The following KANK1 variants were observed in gnomAD, a reference collection of about 807,000 sequenced individuals.
The protein encoded by KANK1 is KN motif and ankyrin repeat domain-containing protein 1.
KANK1 carries 109 observed loss-of-function variants against 106.2 expected under a neutral mutation model. The observed-to-expected ratio is 1.03, with a 90% CI of 0.88 to 1.20. The LOEUF (loss-of-function observed/expected upper bound fraction) is 1.20. KANK1 is among the 50% of genes most tolerant of loss of function. KANK1 has a pLI of 0.00. For missense variants in KANK1, 2,399 were observed against 1,710.7 expected, an observed-to-expected ratio of 1.40 and a Z score of -7.10; for synonymous variants, 873 against 652.2, an observed-to-expected ratio of 1.34 and a Z score of -5.16.
intron 1 of KANK1, among the ~76,000 whole-genome samples, chr9:649,595 G>A (rs970591995): frequency 2.6e-5 from 4 of 152,164 alleles, no homozygotes; most frequent in African/African-American, 9.7e-5. Context: ...CTGTTAAAAC[G>A]AAAGCATGTG....
In KANK1 at chr9:713,475, C is replaced by T. The variant is rs368535433; in HGVS notation, c.2698+11C>T. On this transcript the variant is annotated intron_variant, in intron 3 of 11. Coordinates refer to ENST00000382297, the MANE Select transcript of KANK1 (RefSeq NM_015158.5). ...TGGGTAAAATCACAGGTAGGTGGTA[C>T]CCTGAGGACCTGGGAATGAGGAAGG... The T allele has an allele frequency of 2.4e-5, 37 of 1,539,296 alleles. No individual in the cohort carries two copies. Among genetic ancestry groups the T allele is most frequent in the South Asian group, 8.9e-5 (7 of 78,398 alleles).
intron 1 of KANK1, among the ~76,000 whole-genome samples, chr9:610,222 T>G (rs1021898382): frequency 6.7e-6 from 1 of 148,296 alleles, no homozygotes; most frequent in East Asian, 1.9e-4. Flanking sequence ...GTTGAACACT[T>G]ACGTTTATCA....
chr9:687,555 T>C (rs544505633), intron 2 of KANK1, among the ~76,000 whole-genome samples: 1 of 152,294 alleles, frequency 6.6e-6, no homozygotes, highest in African/African-American at 2.4e-5. Flanking sequence ...CAAAGAGTTG[T>C]GTAAGATAGG....
At position 719,037 on chromosome 9, in the gene KANK1, G is replaced by A. The variant is rs1314041952; in HGVS notation, c.2698+5573G>A. 3.0e-5 allele frequency among the ~76,000 whole-genome samples: 4 copies of A among 131,574 alleles called. No homozygotes were observed. The East Asian group carries it at 6.9e-4, about 23-fold the overall frequency. 86.3% of individuals were successfully genotyped at this position (131,574 alleles called of 152,430 possible). On this transcript the variant is annotated intron_variant, in intron 3 of 11. Transcript: ENST00000382297. ...TGCAGTGGTGCAATCTCAGCTCATC[G>A]CAACCTTCACCTCCTGGGTTCAAGT...
Position 636,199 on chromosome 9 carries a change from G to A in KANK1, c.-83-40691G>A, listed in dbSNP as rs564391929. 2.0e-5 allele frequency among the ~76,000 whole-genome samples: 3 copies of A among 152,272 alleles called. 1 individual carries two copies. In the South Asian group the frequency reaches 6.2e-4, roughly 32 times the overall value. On this transcript the variant is annotated intron_variant, in intron 1 of 11. Transcript: ENST00000382297. ...GGGTGTTTTTGTAAAAGTTCTCAGG[G>A]ATTCTAGTGGCGGCCAGGTTGAGAG...
intron 3 of KANK1, among the ~76,000 whole-genome samples, chr9:485,681 C>T (rs767055140): frequency 2.6e-5 from 4 of 151,910 alleles, no homozygotes; most frequent in Non-Finnish European, 4.4e-5. Flanking sequence ...GAGACCAGCC[C>T]GGCCAACATG....
At chr9:514,197 TCC>T in intron 1 of KANK1, among the ~76,000 whole-genome samples, 3 of 83,690 alleles carry the variant, frequency 3.6e-5, no homozygotes, top group African/African-American at 3.0e-4. Flanking sequence ...CCTCCCTTCC[TCC>T]CTCCCTCTCT....
chr9:718,953 C>CTTTTTTTTT (rs35097931), intron 3 of KANK1, among the ~76,000 whole-genome samples: 3 of 78,280 alleles, frequency 3.8e-5, no homozygotes, highest in Admixed American at 1.8e-4. Context: ...TGCTCGAGCC[C>CTTTTTTTTT]TTTTTTTTTT....
At chr9:619,161 C>G (rs997623267) in intron 1 of KANK1, among the ~76,000 whole-genome samples, 4 of 152,164 alleles carry the variant, frequency 2.6e-5, no homozygotes, top group African/African-American at 9.7e-5. Flanking sequence ...TCAGTTCTTG[C>G]TTTACAGCCA....
At chr9:633,954 A>C (rs1317234180) in intron 1 of KANK1, among the ~76,000 whole-genome samples, 1 of 152,222 alleles carries the variant, frequency 6.6e-6, no homozygotes, top group Non-Finnish European at 1.5e-5. Flanking sequence ...CTGAGCCATA[A>C]ATAGATGCAA....
intron 4 of KANK1, 138 bp from the exon 5 acceptor site, chr9:731,020 T>C: frequency 4.4e-6 from 2 of 459,074 alleles, no homozygotes; most frequent in South Asian, 3.3e-5. Flanking sequence ...ACTTTCCCAT[T>C]GAATTTTGTG....
chr9:527,940 GC>G (rs1186197455), intron 1 of KANK1, among the ~76,000 whole-genome samples: 1 of 151,722 alleles, frequency 6.6e-6, no homozygotes, highest in Non-Finnish European at 1.5e-5. Context: ...GACCATCCTG[GC>G]CAACATGGTG....
intron 3 of KANK1, among the ~76,000 whole-genome samples, chr9:723,724 C>T (rs1372527366): frequency 6.6e-6 from 1 of 152,038 alleles, no homozygotes; most frequent in Non-Finnish European, 1.5e-5. Context: ...GATTAAAAGA[C>T]TTTAAAATAA....
chr9:543,289 C>G (rs1397686469), intron 1 of KANK1, among the ~76,000 whole-genome samples: 2 of 151,982 alleles, frequency 1.3e-5, no homozygotes, highest in African/African-American at 4.8e-5. Flanking sequence ...GGCACGGTGG[C>G]TCATGCTTGT....
At chr9:585,915 G>A (rs1273759718) in intron 1 of KANK1, among the ~76,000 whole-genome samples, 2 of 152,174 alleles carry the variant, frequency 1.3e-5, no homozygotes, top group Admixed American at 1.3e-4. Context: ...GTCAACAGGG[G>A]AGTTTATATG....
chr9:558,860 A>C (rs1201993145), intron 1 of KANK1: 2 of 152,116 alleles, frequency 1.3e-5, no homozygotes, highest in Non-Finnish European at 2.9e-5. Context: ...CTAAAATTGG[A>C]ATGATACGGA....
At chr9:706,653 A>T (rs1307513499) in intron 2 of KANK1, among the ~76,000 whole-genome samples, 2 of 151,938 alleles carry the variant, frequency 1.3e-5, no homozygotes, top group Non-Finnish European at 2.9e-5. Context: ...TTTAAGAAGA[A>T]CTTTTCATCA....
chr9:485,592 G>T (rs892919837), intron 3 of KANK1, among the ~76,000 whole-genome samples: 1 of 152,196 alleles, frequency 6.6e-6, no homozygotes, highest in African/African-American at 2.4e-5. Flanking sequence ...AAAGAGATAG[G>T]CTGGGCACAG....
intron 2 of KANK1, among the ~76,000 whole-genome samples, chr9:701,051 A>AT (rs1021219366): frequency 3.9e-5 from 6 of 152,146 alleles, no homozygotes; most frequent in East Asian, 1.9e-4. Context: ...CAAAAGTGGC[A>AT]TTTTTTATCA....
Sources: gnomAD v4.1 joint callset for allele counts (sites outside exome capture counted in the v4.1 genomes callset) on GRCh38, gnomAD v4.1.1 for gene constraint, MANE v1.5 for transcripts, NCBI Gene and HGNC (gene_info 2026-07-23, HGNC 2026-07-21) for gene names.